The following XCR1 variants were observed in gnomAD, a reference collection of about 807,000 sequenced individuals.
XCR1 encodes the protein X-C motif chemokine receptor 1, also known as chemokine XC receptor 1.
For missense variants in XCR1, 356 were observed against 424.2 expected (o/e 0.84, Z 1.41); for synonymous variants, 187 against 188.5 (o/e 0.99, Z 0.06).
intron 1 of XCR1, chr3:46,023,918 G>A (rs1708228396): frequency 1.3e-6 from 2 of 1,497,700 alleles, no homozygotes; most frequent in African/African-American, 2.8e-5. Flanking sequence ...TTCTAAAAAG[G>A]TCCAGTAGAA....
In XCR1 at chr3:46,023,207, C is replaced by T. The variant is rs139836084; in HGVS notation, c.-31-1229G>A. ...GAGAGATTGTTGCTCCCTCTGCGCC[C>T]AGAGAGGACGCGGCTGCGTCGCGCT... is the stretch of plus-strand genomic sequence containing the variant. On this transcript the variant is annotated intron_variant, in intron 1 of 1. Coordinates refer to ENST00000309285, the MANE Select transcript of XCR1 (RefSeq NM_001024644.2). 1.6e-5 allele frequency: 8 copies of T among 505,756 alleles called. No individual in the cohort carries two copies. In the Admixed American group the frequency reaches 2.3e-4, roughly 15 times the overall value. 31.3% of individuals were successfully genotyped at this position (505,756 alleles called of 1,614,324 possible).
intron 5 of XCR1, among the ~76,000 whole-genome samples, chr3:46,040,780 A>G (rs1433762122): frequency 6.6e-6 from 1 of 152,068 alleles, no homozygotes; most frequent in Non-Finnish European, 1.5e-5. Flanking sequence ...ATTCTTTGGA[A>G]GAGTTCATGA....
At chr3:46,045,418 C>A (rs1697607629) in intron 5 of XCR1, among the ~76,000 whole-genome samples, 1 of 151,750 alleles carries the variant, frequency 6.6e-6, no homozygotes. Flanking sequence ...TTAAATACCA[C>A]CACCAACTGG....
At chr3:46,024,196 C>T in intron 1 of XCR1, 1 of 373,734 alleles carries the variant, frequency 2.7e-6, no homozygotes, top group Non-Finnish European at 4.8e-6. Context: ...GGAAATAATA[C>T]AGTAATAGTT....
intron 5 of XCR1, among the ~76,000 whole-genome samples, chr3:46,044,505 A>G (rs1031229350): frequency 1.3e-5 from 2 of 152,164 alleles, no homozygotes; most frequent in African/African-American, 4.8e-5. Flanking sequence ...ATTTTCTCCC[A>G]TTCTGTACAT....
chr3:46,032,960 T>C (rs1708427154), intron 5 of XCR1, among the ~76,000 whole-genome samples: 1 of 152,210 alleles, frequency 6.6e-6, no homozygotes, highest in Non-Finnish European at 1.5e-5. Context: ...ATTTTGTCCA[T>C]TTTCTAAATT....
intron 5 of XCR1, among the ~76,000 whole-genome samples, chr3:46,036,579 A>G (rs1175610715): frequency 6.6e-6 from 1 of 152,246 alleles, no homozygotes; most frequent in African/African-American, 2.4e-5. Flanking sequence ...CTTTAAAAAT[A>G]TTAATAAAAT....
Position 46,064,724 on chromosome 3 carries a change from T to C in XCR1, c.-183+2175A>G, listed in dbSNP as rs559113024. On this transcript the variant is annotated intron_variant, in intron 4 of 5. Coordinates refer to the XCR1 transcript ENST00000683768. ...AGATGGTTCCAGCTGCGCCTAGCTCTCCAGCCTTCTCTGCTCAGCCCCAGG... is the reference window on the plus strand; with the variant it reads ...AGATGGTTCCAGCTGCGCCTAGCTCCCCAGCCTTCTCTGCTCAGCCCCAGG... 4.6e-5 allele frequency among the ~76,000 whole-genome samples: 7 copies of C among 152,320 alleles called. No individual in the cohort carries two copies. The South Asian group carries it at 1.4e-3, about 32-fold the overall frequency.
intron 4 of XCR1, among the ~76,000 whole-genome samples, chr3:46,059,318 G>A (rs1289839735): frequency 6.6e-6 from 1 of 152,220 alleles, no homozygotes; most frequent in South Asian, 2.1e-4. Flanking sequence ...ATGTTCAGGT[G>A]TAGCAATACA....
chr3:46,026,911 T>G (rs1708302342), intron 1 of XCR1, among the ~76,000 whole-genome samples: 1 of 145,524 alleles, frequency 6.9e-6, no homozygotes, highest in South Asian at 2.2e-4. Context: ...TTTTTTTTTT[T>G]GACAGGGTCT....
At chr3:46,081,050 G>A (rs1222180836) in intron 1 of XCR1, among the ~76,000 whole-genome samples, 3 of 152,148 alleles carry the variant, frequency 2.0e-5, no homozygotes, top group African/African-American at 7.2e-5. Flanking sequence ...CCGTGCCAAT[G>A]AGCCATGGTC....
At chr3:46,075,286 G>A (rs1377484290) in intron 2 of XCR1, among the ~76,000 whole-genome samples, 4 of 106,730 alleles carry the variant, frequency 3.7e-5, no homozygotes, top group East Asian at 3.1e-4. Flanking sequence ...AATAGTGCTA[G>A]AGCAACTAGA....
At chr3:46,023,403 G>C in intron 1 of XCR1, 1 of 1,468,822 alleles carries the variant, frequency 6.8e-7, no homozygotes. Flanking sequence ...GTCACAAAAA[G>C]GCTGCGGCAT....
chr3:46,057,961 A>C (rs1697886295), intron 4 of XCR1, among the ~76,000 whole-genome samples: 1 of 149,588 alleles, frequency 6.7e-6, no homozygotes, highest in African/African-American at 2.5e-5. Context: ...TCTATCTGCC[A>C]TCTATGTATC....
intron 4 of XCR1, among the ~76,000 whole-genome samples, chr3:46,056,147 G>A (rs1475262241): frequency 6.6e-6 from 1 of 152,190 alleles, no homozygotes; most frequent in Non-Finnish European, 1.5e-5. Context: ...TCAGAAATGT[G>A]TGGTGTAGGT....
chr3:46,057,192 A>C (rs1317233587), intron 4 of XCR1, among the ~76,000 whole-genome samples: 1 of 152,164 alleles, frequency 6.6e-6, no homozygotes, highest in East Asian at 1.9e-4. Flanking sequence ...TAAATTCTTG[A>C]GCTCAAGAGA....
At chr3:46,053,560 A>G (rs936347676) in intron 5 of XCR1, among the ~76,000 whole-genome samples, 1 of 152,316 alleles carries the variant, frequency 6.6e-6, no homozygotes, top group African/African-American at 2.4e-5. Flanking sequence ...CCGCAGAATA[A>G]TAAGGAGATA....
chr3:46,029,225 A>G (rs186001424), upstream of XCR1, among the ~76,000 whole-genome samples: 16 of 152,302 alleles, frequency 1.1e-4, no homozygotes, highest in Admixed American at 9.1e-4. Flanking sequence ...TTGTTTTGAG[A>G]CAGGTTCTCA....
At chr3:46,026,077 C>G (rs1708281726) in intron 1 of XCR1, among the ~76,000 whole-genome samples, 1 of 152,102 alleles carries the variant, frequency 6.6e-6, no homozygotes, top group Non-Finnish European at 1.5e-5. Context: ...ACTATATGAT[C>G]TTTTCTGATA....
Sources: allele counts gnomAD v4.1 joint callset (sites outside exome capture counted in the v4.1 genomes callset), GRCh38; gene constraint gnomAD v4.1.1; transcripts MANE v1.5; gene names NCBI Gene and HGNC (gene_info 2026-07-23, HGNC 2026-07-21).